The following RORA variants were observed in gnomAD, a reference collection of about 807,000 sequenced individuals.
RORA encodes the protein RAR related orphan receptor A.
RORA carries 7 observed loss-of-function variants against 69.5 expected under a neutral mutation model. The ratio of observed to expected loss-of-function variants is 0.10; its 90% CI spans 0.06 to 0.19. The LOEUF is 0.19. RORA is among the 10% of genes least tolerant of loss of function. The pLI is 1.00. For synonymous variants in RORA, 261 were observed against 240.8 expected, an observed-to-expected ratio of 1.08 and a Z score of -0.78; for missense variants, 457 against 663.0, an observed-to-expected ratio of 0.69 and a Z score of 3.41.
chr15:60,998,752 C>A (rs1373930211), intron 1 of RORA, among the ~76,000 whole-genome samples: 1 of 152,228 alleles, frequency 6.6e-6, no homozygotes, highest in African/African-American at 2.4e-5. Context: ...ATGTGATATT[C>A]TTGACAGGTC....
At position 60,526,388 on chromosome 15, in the gene RORA, G is replaced by A. The variant is rs960711037; in HGVS notation, c.282+5378C>T. On this transcript the variant is annotated intron_variant, in intron 3 of 10. Coordinates refer to ENST00000335670, the MANE Select transcript of RORA (RefSeq NM_134261.3). ...AGGGACCTGCCCCAAGCCAGGTGCT[G>A]TGTCAGGGCCCTATCTACAACATGG... Among the ~76,000 whole-genome samples, 6 of 152,350 alleles carry A rather than the reference G, an allele frequency of 3.9e-5. No homozygotes were observed. The East Asian group carries it at 1.2e-3, about 29-fold the overall frequency.
chr15:61,037,717 T>C (rs1267127535), intron 1 of RORA, among the ~76,000 whole-genome samples: 1 of 152,204 alleles, frequency 6.6e-6, no homozygotes, highest in East Asian at 1.9e-4. Context: ...AAAATCACCC[T>C]GTCCTCAAGG....
chr15:60,798,434 C>T (rs2072529135), intron 1 of RORA, among the ~76,000 whole-genome samples: 1 of 152,086 alleles, frequency 6.6e-6, no homozygotes, highest in Non-Finnish European at 1.5e-5. Context: ...TAGGACTCTA[C>T]TTAGAATCCA....
chr15:60,774,126 C>T (rs2140884046), intron 1 of RORA, among the ~76,000 whole-genome samples: 1 of 152,260 alleles, frequency 6.6e-6, no homozygotes, highest in South Asian at 2.1e-4. Flanking sequence ...GACTGGAGGA[C>T]CTGGCGGACA....
At chr15:60,580,738 A>T (rs770132292) in intron 2 of RORA, among the ~76,000 whole-genome samples, 6 of 152,240 alleles carry the variant, frequency 3.9e-5, no homozygotes, top group Non-Finnish European at 7.3e-5. Flanking sequence ...TGAGGCAGAA[A>T]CATACCTCAG....
chr15:61,119,087 G>GTA (rs898092285), intron 1 of RORA, among the ~76,000 whole-genome samples: 4 of 134,140 alleles, frequency 3.0e-5, no homozygotes, highest in South Asian at 2.5e-4. Flanking sequence ...CAGAAGGGGG[G>GTA]GGGGGGCGCC....
At chr15:60,922,806 G>A (rs1459414864) in intron 1 of RORA, among the ~76,000 whole-genome samples, 1 of 152,192 alleles carries the variant, frequency 6.6e-6, no homozygotes, top group Non-Finnish European at 1.5e-5. Context: ...GAATTCTTTA[G>A]AACCATGGAT....
At position 61,014,915 on chromosome 15, in the gene RORA, T is replaced by C. The variant is rs532745139; in HGVS notation, c.166+214138A>G. ...GCTTCTGCCTTACCAAGGTTTGTTT[T>C]GAGAGTGTTTTTAATCTGAGATATT... On this transcript the variant is annotated intron_variant, in intron 1 of 10. Coordinates refer to ENST00000335670, the MANE Select transcript of RORA (RefSeq NM_134261.3). 9.8e-5 allele frequency among the ~76,000 whole-genome samples: 15 copies of C among 152,302 alleles called. 1 individual carries two copies. The South Asian group carries it at 2.9e-3, about 29-fold the overall frequency.
chr15:60,719,061 A>G lies in RORA; in HGVS notation c.167-40375T>C, dbSNP rs184148574. On this transcript the variant is annotated intron_variant, in intron 1 of 10. Transcript: ENST00000335670. ...TGGGGGGGGTGTGTGTGTGTGTGGC[A>G]TTTCTAGTTAAAGATGCAAAAGGCC... Among the ~76,000 whole-genome samples the G allele has an allele frequency of 2.9e-4, 44 of 151,988 alleles. No individual in the cohort carries two copies. The East Asian group carries it at 4.2e-3, about 15-fold the overall frequency.
chr15:61,173,325 A>G (rs2079601353), intron 1 of RORA, among the ~76,000 whole-genome samples: 1 of 152,258 alleles, frequency 6.6e-6, no homozygotes, highest in Admixed American at 6.5e-5. Flanking sequence ...TGCACTGTGC[A>G]GCCTGAATTC....
intron 1 of RORA, among the ~76,000 whole-genome samples, chr15:60,995,783 T>C (rs1224893741): frequency 1.3e-5 from 2 of 152,220 alleles, no homozygotes; most frequent in African/African-American, 2.4e-5. Context: ...CCCCACATAT[T>C]TATGTCCTCA....
At chr15:60,566,085 C>T (rs1046790217) in intron 2 of RORA, among the ~76,000 whole-genome samples, 13 of 152,034 alleles carry the variant, frequency 8.6e-5, no homozygotes, top group African/African-American at 3.1e-4. Flanking sequence ...GTGATGTGAT[C>T]AAGATTAATT....
At chr15:60,553,815 A>G (rs996908255) in intron 2 of RORA, among the ~76,000 whole-genome samples, 6 of 152,116 alleles carry the variant, frequency 3.9e-5, no homozygotes, top group Admixed American at 3.3e-4. Flanking sequence ...GTTCCCACAT[A>G]TATTTACCTT....
At chr15:60,686,565 C>T (rs574627297) in intron 1 of RORA, among the ~76,000 whole-genome samples, 1 of 152,318 alleles carries the variant, frequency 6.6e-6, no homozygotes, top group South Asian at 2.1e-4. Context: ...GATATCAACA[C>T]TTTCAGCTTA....
At chr15:60,593,505 C>T (rs963658105) in intron 2 of RORA, 18 of 152,366 alleles carry the variant, frequency 1.2e-4, no homozygotes, top group African/African-American at 4.1e-4. Flanking sequence ...TCCCTCTAAA[C>T]TTTGAAGCTT....
intron 2 of RORA, among the ~76,000 whole-genome samples, chr15:60,604,419 C>CT (rs1433721014): frequency 5.3e-5 from 8 of 152,118 alleles, no homozygotes; most frequent in Non-Finnish European, 1.0e-4. Flanking sequence ...TGTTTATCTG[C>CT]TTTTTTTGCC....
chr15:60,698,024 A>T (rs959226247), intron 1 of RORA, among the ~76,000 whole-genome samples: 18 of 152,354 alleles, frequency 1.2e-4, no homozygotes, highest in African/African-American at 4.3e-4. Context: ...CACTTAAAGC[A>T]GGATCATGTG....
intron 1 of RORA, among the ~76,000 whole-genome samples, chr15:60,819,362 G>C (rs1277856094): frequency 1.3e-5 from 2 of 152,168 alleles, no homozygotes; most frequent in Non-Finnish European, 2.9e-5. Context: ...ATTAGTCAAG[G>C]CTTCGAAACA....
intron 1 of RORA, among the ~76,000 whole-genome samples, chr15:60,969,871 G>GT (rs1267757605): frequency 6.6e-6 from 1 of 152,216 alleles, no homozygotes; most frequent in African/African-American, 2.4e-5. Context: ...CATTGTGGCT[G>GT]TATTTACTCA....
Sources: gnomAD v4.1 joint callset for allele counts (sites outside exome capture counted in the v4.1 genomes callset) on GRCh38, gnomAD v4.1.1 for gene constraint, MANE v1.5 for transcripts, NCBI Gene and HGNC (gene_info 2026-07-23, HGNC 2026-07-21) for gene names.